Variants in MARCHF4 observed in about 807,000 individuals in gnomAD.
MARCHF4 encodes the protein membrane associated ring-CH-type finger 4, also known as E3 ubiquitin-protein ligase MARCHF4.
MARCHF4 carries 14 observed loss-of-function variants against 43.9 expected under a neutral mutation model. That is an observed-to-expected ratio of 0.32 (90% CI 0.21 to 0.50). The LOEUF (loss-of-function observed/expected upper bound fraction) is 0.50. Ranked by LOEUF, MARCHF4 falls within the 20% of genes least tolerant of loss-of-function variation. The pLI, the probability that MARCHF4 is intolerant of heterozygous loss-of-function variation, is 0.98. For missense variants in MARCHF4, 468 were observed against 536.7 expected (o/e 0.87, Z 1.27); for synonymous variants, 226 against 213.3 (o/e 1.06, Z -0.52).
intron 3 of MARCHF4, among the ~76,000 whole-genome samples, chr2:216,272,757 T>C (rs1162183981): frequency 1.3e-5 from 2 of 152,242 alleles, no homozygotes; most frequent in Admixed American, 6.5e-5. Flanking sequence ...GCTTTCACAG[T>C]GGCATGCATT....
chr2:216,339,902 A>G (rs910522996), intron 1 of MARCHF4, among the ~76,000 whole-genome samples: 1 of 151,996 alleles, frequency 6.6e-6, no homozygotes, highest in East Asian at 1.9e-4. Flanking sequence ...AATTTCCACC[A>G]TCTCTCTGGG....
At chr2:216,317,817 G>C (rs983436590) in intron 1 of MARCHF4, among the ~76,000 whole-genome samples, 1 of 152,172 alleles carries the variant, frequency 6.6e-6, no homozygotes, top group African/African-American at 2.4e-5. Flanking sequence ...GGATATGAAT[G>C]GAAGAGTAAA....
At chr2:216,363,638 T>C (rs1192185862) in intron 1 of MARCHF4, among the ~76,000 whole-genome samples, 1 of 152,166 alleles carries the variant, frequency 6.6e-6, no homozygotes, top group Non-Finnish European at 1.5e-5. Context: ...GAGGTAACTG[T>C]GCTCCCCCTT....
At chr2:216,274,912 TC>T (rs1690996732) in intron 3 of MARCHF4, among the ~76,000 whole-genome samples, 1 of 151,944 alleles carries the variant, frequency 6.6e-6, no homozygotes, top group South Asian at 2.1e-4. Flanking sequence ...CTGAACTCAC[TC>T]CTTAAAGGTG....
At chr2:216,315,453 A>G (rs772938404) in intron 1 of MARCHF4, among the ~76,000 whole-genome samples, 1 of 152,248 alleles carries the variant, frequency 6.6e-6, no homozygotes, top group Non-Finnish European at 1.5e-5. Context: ...TCAGTTCTGC[A>G]GAAAAATTTA....
chr2:216,355,259 A>T (rs1692483212), intron 1 of MARCHF4, among the ~76,000 whole-genome samples: 1 of 152,146 alleles, frequency 6.6e-6, no homozygotes, highest in South Asian at 2.1e-4. Context: ...GACGTGAGCC[A>T]CTGCGCCCGG....
intron 1 of MARCHF4, among the ~76,000 whole-genome samples, chr2:216,356,088 C>T (rs1009442869): frequency 3.8e-4 from 58 of 152,340 alleles, no homozygotes; most frequent in African/African-American, 1.3e-3. Flanking sequence ...GAGGGATCAC[C>T]ATGGGATAAA....
chr2:216,283,561 C>T lies in MARCHF4; in HGVS notation c.672+13G>A. 1 of 1,590,678 alleles carries T rather than the reference C, an allele frequency of 6.3e-7. No individual in the cohort carries two copies. Among genetic ancestry groups the T allele is most frequent in the Non-Finnish European group, 8.6e-7 (1 of 1,162,168 alleles). ...CAGGCCCAGCAACCCCACCAGGCAG[C>T]CCTGGGTTGTACCTGCAGAGGATTT... On this transcript the variant is annotated intron_variant, in intron 2 of 3. Transcript: ENST00000273067.
intron 1 of MARCHF4, among the ~76,000 whole-genome samples, chr2:216,366,889 A>C (rs1692674646): frequency 6.6e-6 from 1 of 152,200 alleles, no homozygotes; most frequent in Non-Finnish European, 1.5e-5. Flanking sequence ...CTGAATACTC[A>C]TGCCTGGAAC....
chr2:216,266,284 A>G (rs1690842941), intron 3 of MARCHF4, among the ~76,000 whole-genome samples: 1 of 152,050 alleles, frequency 6.6e-6, no homozygotes, highest in Non-Finnish European at 1.5e-5. Context: ...GGTTGTTTTG[A>G]GATTAAATAA....
At chr2:216,261,940 G>A (rs1163901431) in intron 3 of MARCHF4, among the ~76,000 whole-genome samples, 1 of 152,210 alleles carries the variant, frequency 6.6e-6, no homozygotes, top group Non-Finnish European at 1.5e-5. Flanking sequence ...GATTCAGAAA[G>A]AGTGCAGTGA....
At chr2:216,302,703 G>A (rs1365191713) in intron 1 of MARCHF4, among the ~76,000 whole-genome samples, 1 of 151,534 alleles carries the variant, frequency 6.6e-6, no homozygotes, top group African/African-American at 2.4e-5. Flanking sequence ...TTCAAGACCA[G>A]CCTGGCCAAC....
intron 3 of MARCHF4, among the ~76,000 whole-genome samples, chr2:216,275,744 C>T (rs753048821): frequency 4.6e-4 from 70 of 152,218 alleles, no homozygotes; most frequent in Non-Finnish European, 8.2e-4. Context: ...TATTTCCCTG[C>T]TCTGTTACCC....
At chr2:216,346,237 G>A (rs1397652051) in intron 1 of MARCHF4, among the ~76,000 whole-genome samples, 1 of 152,014 alleles carries the variant, frequency 6.6e-6, no homozygotes, top group Non-Finnish European at 1.5e-5. Flanking sequence ...ATTTTGAATC[G>A]ATTTTAAGCC....
At chr2:216,288,058 G>C (rs1390932455) in intron 1 of MARCHF4, among the ~76,000 whole-genome samples, 4 of 152,212 alleles carry the variant, frequency 2.6e-5, no homozygotes, top group African/African-American at 9.6e-5. Context: ...AGCTCCCCAG[G>C]CTCAAGTGAT....
At chr2:216,270,554 G>A (rs575450909) in intron 3 of MARCHF4, among the ~76,000 whole-genome samples, 1 of 152,116 alleles carries the variant, frequency 6.6e-6, no homozygotes, top group East Asian at 1.9e-4. Flanking sequence ...TCTTAGTACT[G>A]CCTTCTCCTC....
intron 1 of MARCHF4, among the ~76,000 whole-genome samples, chr2:216,354,232 T>TGA (rs1692446612): frequency 1.3e-5 from 2 of 152,156 alleles, no homozygotes; most frequent in African/African-American, 2.4e-5. Flanking sequence ...TGAAATGCGG[T>TGA]GAGAGAGAGA....
chr2:216,318,995 T>C (rs960706060), intron 1 of MARCHF4, among the ~76,000 whole-genome samples: 6 of 152,094 alleles, frequency 3.9e-5, no homozygotes, highest in Non-Finnish European at 5.9e-5. Context: ...TTCTGGAATA[T>C]GAAATATATT....
At chr2:216,330,324 A>T (rs977441959) in intron 1 of MARCHF4, among the ~76,000 whole-genome samples, 1 of 152,214 alleles carries the variant, frequency 6.6e-6, no homozygotes, top group Non-Finnish European at 1.5e-5. Context: ...TATAACAATT[A>T]TTGGCTTATA....
Sources: gnomAD v4.1 joint callset for allele counts (sites outside exome capture counted in the v4.1 genomes callset) on GRCh38, gnomAD v4.1.1 for gene constraint, MANE v1.5 for transcripts, NCBI Gene and HGNC (gene_info 2026-07-23, HGNC 2026-07-21) for gene names.